Variants in ARHGAP15 observed in about 807,000 individuals in gnomAD.
ARHGAP15 encodes Rho GTPase activating protein 15.
A neutral mutation model predicts 63.7 loss-of-function variants in ARHGAP15; 51 were observed. That is an observed-to-expected ratio of 0.80 (90% CI 0.64 to 1.01). The LOEUF (loss-of-function observed/expected upper bound fraction) is 1.01, where lower values mean the gene tolerates loss of function less well. Among genes scored for constraint, ARHGAP15 ranks in the 50% least tolerant of loss-of-function variants. ARHGAP15 has a pLI of 0.00. For missense variants in ARHGAP15, 560 were observed against 564.6 expected (o/e 0.99, Z 0.08); for synonymous variants, 191 against 193.8 (o/e 0.99, Z 0.12).
chr2:143,252,371 A>G (rs1376145370), intron 6 of ARHGAP15, among the ~76,000 whole-genome samples: 1 of 152,012 alleles, frequency 6.6e-6, no homozygotes, highest in Non-Finnish European at 1.5e-5. Flanking sequence ...CTCCTGTTGC[A>G]ATTTTCTATT....
intron 6 of ARHGAP15, among the ~76,000 whole-genome samples, chr2:143,322,943 TTGTC>T (rs1247626185): frequency 2.0e-5 from 3 of 152,358 alleles, no homozygotes; most frequent in Admixed American, 6.5e-5. Flanking sequence ...AACCAACTGG[TTGTC>T]TGTCTTAGAC....
intron 6 of ARHGAP15, among the ~76,000 whole-genome samples, chr2:143,289,711 C>G (rs1426189891): frequency 6.6e-6 from 1 of 152,150 alleles, no homozygotes; most frequent in East Asian, 1.9e-4. Flanking sequence ...AACCTTAAAT[C>G]TGGTGCCCTC....
chr2:143,550,568 TTAA>T (rs1434853481), intron 10 of ARHGAP15, among the ~76,000 whole-genome samples: 1 of 152,180 alleles, frequency 6.6e-6, no homozygotes, highest in African/African-American at 2.4e-5. Flanking sequence ...TTTCAAGTGG[TTAA>T]TAATCTCTGT....
chr2:143,209,279 T>C (rs937152378), intron 3 of ARHGAP15, among the ~76,000 whole-genome samples: 1 of 152,126 alleles, frequency 6.6e-6, no homozygotes, highest in Admixed American at 6.6e-5. Context: ...CTGTTAATAA[T>C]AAGTTATGTA....
intron 13 of ARHGAP15, among the ~76,000 whole-genome samples, chr2:143,767,508 T>C (rs1244010412): frequency 6.6e-6 from 1 of 152,206 alleles, no homozygotes; most frequent in Non-Finnish European, 1.5e-5. Flanking sequence ...CTACAAAACA[T>C]ATTCCAGTTA....
intron 8 of ARHGAP15, among the ~76,000 whole-genome samples, chr2:143,479,244 A>G (rs1691962209): frequency 6.6e-6 from 1 of 151,974 alleles, no homozygotes; most frequent in Non-Finnish European, 1.5e-5. Flanking sequence ...CTCCAACTTG[A>G]CTTACTTTTT....
chr2:143,195,066 T>A (rs143242483), intron 2 of ARHGAP15, among the ~76,000 whole-genome samples: 169 of 152,286 alleles, frequency 1.1e-3, no homozygotes, highest in Middle Eastern at 0.01. Flanking sequence ...CACACTTTTT[T>A]AAAAATCTGA....
At chr2:143,706,649 TA>T (rs1435911054) in intron 13 of ARHGAP15, 2 of 152,202 alleles carry the variant, frequency 1.3e-5, no homozygotes, top group Admixed American at 1.3e-4. Context: ...ATATTAAGCA[TA>T]AGGTTGCACA....
chr2:143,202,079 C>T, intron 2 of ARHGAP15, 55 bp from the exon 3 acceptor site: 1 of 1,396,928 alleles, frequency 7.2e-7, no homozygotes, highest in East Asian at 2.3e-5. Flanking sequence ...TGTATTCTTA[C>T]TAAACTCTAT....
intron 12 of ARHGAP15, among the ~76,000 whole-genome samples, chr2:143,679,118 T>C (rs994400753): frequency 7.3e-6 from 1 of 136,552 alleles, no homozygotes; most frequent in African/African-American, 2.6e-5. Flanking sequence ...GGTCAACCTA[T>C]ATGCACCAGT....
rs553387424 is a variant in ARHGAP15 at position 143,209,590 on chromosome 2, C to A, written c.235-6794C>A. ...AAACAAGTTTCTGTGAGAACCTACA[C>A]TGGATTAAGTAGTCACACATGGATT... On this transcript the variant is annotated intron_variant, in intron 3 of 13. Coordinates refer to ENST00000295095, the MANE Select transcript of ARHGAP15 (RefSeq NM_018460.4). Among the ~76,000 whole-genome samples, 3 of 152,040 alleles carry A rather than the reference C, an allele frequency of 2.0e-5. No individual in the cohort carries two copies. In the South Asian group the frequency reaches 6.2e-4, roughly 32 times the overall value.
intron 8 of ARHGAP15, among the ~76,000 whole-genome samples, chr2:143,467,242 C>CTTTTTTTTTTTTTTTTTTTTTTTTTTTTT (rs202115707): frequency 2.1e-4 from 12 of 57,918 alleles, no homozygotes; most frequent in African/African-American, 3.0e-4. Flanking sequence ...ACTCCATGGC[C>CTTTTTTTTTTTTTTTTTTTTTTTTTTTTT]TTTTTTTTTT....
At chr2:143,692,368 G>A (rs1376398700) in intron 12 of ARHGAP15, among the ~76,000 whole-genome samples, 1 of 152,172 alleles carries the variant, frequency 6.6e-6, no homozygotes, top group African/African-American at 2.4e-5. Flanking sequence ...CACTGTGCCT[G>A]GCTCAACTAC....
chr2:143,323,248 T>C (rs1260462606), intron 6 of ARHGAP15, among the ~76,000 whole-genome samples: 2 of 152,234 alleles, frequency 1.3e-5, no homozygotes. Flanking sequence ...TTTGGGCTTC[T>C]AGTGAACCCA....
intron 2 of ARHGAP15, among the ~76,000 whole-genome samples, chr2:143,163,053 C>T (rs193196562): frequency 6.6e-6 from 1 of 151,940 alleles, no homozygotes; most frequent in African/African-American, 2.4e-5. Flanking sequence ...CTTGATTAAC[C>T]TAAAACACAG....
At chr2:143,574,358 G>T (rs559997355) in intron 11 of ARHGAP15, among the ~76,000 whole-genome samples, 1 of 152,144 alleles carries the variant, frequency 6.6e-6, no homozygotes, top group Admixed American at 6.5e-5. Context: ...TTGGAAGCAG[G>T]TCATTTGCTC....
At chr2:143,617,943 C>CAATT (rs1283080892) in intron 11 of ARHGAP15, among the ~76,000 whole-genome samples, 1 of 152,166 alleles carries the variant, frequency 6.6e-6, no homozygotes, top group Non-Finnish European at 1.5e-5. Flanking sequence ...TGTTTGAAAA[C>CAATT]AATTAAGTGA....
chr2:143,670,627 C>A (rs1415334069), intron 12 of ARHGAP15, among the ~76,000 whole-genome samples: 1 of 152,146 alleles, frequency 6.6e-6, no homozygotes, highest in Non-Finnish European at 1.5e-5. Context: ...AACACATCAC[C>A]ATTCAAACCC....
At chr2:143,137,634 C>G (rs1689201792) in intron 1 of ARHGAP15, among the ~76,000 whole-genome samples, 1 of 151,948 alleles carries the variant, frequency 6.6e-6, no homozygotes. Flanking sequence ...GCAACTACCT[C>G]TAAGTATTTA....
Sources: gnomAD v4.1 joint callset for allele counts (sites outside exome capture counted in the v4.1 genomes callset) on GRCh38, gnomAD v4.1.1 for gene constraint, MANE v1.5 for transcripts, NCBI Gene and HGNC (gene_info 2026-07-23, HGNC 2026-07-21) for gene names.